SDC2: variants seen among roughly 807,000 people sequenced by gnomAD.
SDC2 encodes syndecan-2.
In SDC2, 13 loss-of-function variants were observed where a neutral mutation model predicts 22.2. The observed-to-expected ratio is 0.59, with a 90% CI of 0.38 to 0.93. The LOEUF (loss-of-function observed/expected upper bound fraction) is 0.93. Among genes scored for constraint, SDC2 ranks in the 40% least tolerant of loss-of-function variants. The pLI, the probability that SDC2 is intolerant of heterozygous loss-of-function variation, is 0.00. For missense variants in SDC2, 235 were observed against 246.8 expected (o/e 0.95, Z 0.32); for synonymous variants, 94 against 92.8 (o/e 1.01, Z -0.07).
intron 1 of SDC2, chr8:96,580,332 A>AG: frequency 1.0e-6 from 1 of 960,106 alleles, no homozygotes. Flanking sequence ...AGCAGCAGGA[A>AG]GGGAGAGTCA....
chr8:96,532,353 G>A (rs2440681), intron 1 of SDC2, among the ~76,000 whole-genome samples: 49,413 of 147,572 alleles, frequency 0.33, 8,442 homozygotes, highest in Middle Eastern at 0.47. Flanking sequence ...AGTTCTTGGG[G>A]CACTAAGGAA....
At chr8:96,572,157 G>C (rs958343344) in intron 1 of SDC2, among the ~76,000 whole-genome samples, 1 of 152,176 alleles carries the variant, frequency 6.6e-6, no homozygotes, top group Non-Finnish European at 1.5e-5. Flanking sequence ...GGAGCAGGGG[G>C]TCTGGGACAA....
chr8:96,562,961 T>C (rs1814235356), intron 1 of SDC2, among the ~76,000 whole-genome samples: 1 of 152,172 alleles, frequency 6.6e-6, no homozygotes, highest in African/African-American at 2.4e-5. Flanking sequence ...TTCCTAACTT[T>C]TCGCCTTCAG....
At chr8:96,588,816 T>C (rs1020216038) in intron 1 of SDC2, among the ~76,000 whole-genome samples, 5 of 152,400 alleles carry the variant, frequency 3.3e-5, no homozygotes, top group Non-Finnish European at 5.9e-5. Context: ...GTTGAAAGCA[T>C]GTGCAGGACC....
chr8:96,590,316 G>C (rs562192641), intron 1 of SDC2, among the ~76,000 whole-genome samples: 1 of 152,340 alleles, frequency 6.6e-6, no homozygotes, highest in South Asian at 2.1e-4. Flanking sequence ...CCAGGCTGCA[G>C]CTCTGGACTT....
intron 1 of SDC2, among the ~76,000 whole-genome samples, chr8:96,575,192 C>T (rs978666843): frequency 6.6e-6 from 1 of 152,162 alleles, no homozygotes; most frequent in African/African-American, 2.4e-5. Flanking sequence ...CTTTCTCCTT[C>T]ATGAAAACTG....
intron 1 of SDC2, among the ~76,000 whole-genome samples, chr8:96,540,931 C>T (rs1360009450): frequency 6.6e-6 from 1 of 152,128 alleles, no homozygotes; most frequent in Non-Finnish European, 1.5e-5. Context: ...GAAGCATTTT[C>T]TTACCTGACT....
At chr8:96,537,415 A>G (rs1431007608) in intron 1 of SDC2, 1 of 152,164 alleles carries the variant, frequency 6.6e-6, no homozygotes, top group African/African-American at 2.4e-5. Flanking sequence ...ACAGCATCTC[A>G]TGGTGTCCAG....
At chr8:96,494,458 T>C (rs1398804674) in intron 1 of SDC2, 127 bp downstream of exon 1, 3 of 798,890 alleles carry the variant, frequency 3.8e-6, no homozygotes, top group East Asian at 6.1e-5. Context: ...GGAGATCCGC[T>C]GGGACAAATG....
chr8:96,579,379 T>G lies in SDC2; in HGVS notation c.61-14101T>G, dbSNP rs1047333855. On this transcript the variant is annotated intron_variant, in intron 1 of 4. Transcript: ENST00000302190. ...CTGTGCATTGTAGCTTTTTAAATATTGACTTTGTGCCTTTTGAAATGCTTG... is the reference window on the plus strand; with the variant it reads ...CTGTGCATTGTAGCTTTTTAAATATGGACTTTGTGCCTTTTGAAATGCTTG... Among the ~76,000 whole-genome samples the G allele has an allele frequency of 2.0e-5, 3 of 152,240 alleles. No individual in the cohort carries two copies. The South Asian group carries it at 6.2e-4, about 31-fold the overall frequency.
intron 1 of SDC2, among the ~76,000 whole-genome samples, chr8:96,571,693 C>T (rs1010573260): frequency 2.0e-5 from 3 of 152,152 alleles, no homozygotes; most frequent in Non-Finnish European, 4.4e-5. Context: ...ACCACTTTGC[C>T]TGACAACAAA....
Position 96,609,322 on chromosome 8 carries a change from A to G in SDC2, c.443-63A>G, listed in dbSNP as rs1815137173. 7.5e-6 allele frequency: 10 copies of G among 1,336,350 alleles called. No homozygotes were observed. In the East Asian group the frequency reaches 2.0e-4, roughly 26 times the overall value. The allele number at this position is 1,336,350 out of a possible 1,614,324, so 82.8% of individuals were successfully genotyped here. ...AAGTGTAAGTAGATTAGGCTTGACA[A>G]TAAAGCTAATGTCTGCAACCCTTGA... On this transcript the variant is annotated intron_variant, in intron 4 of 4. Coordinates refer to ENST00000302190, the MANE Select transcript of SDC2 (RefSeq NM_002998.4).
At chr8:96,574,914 G>A (rs1409883600) in intron 1 of SDC2, among the ~76,000 whole-genome samples, 4 of 152,136 alleles carry the variant, frequency 2.6e-5, no homozygotes, top group Admixed American at 1.3e-4. Flanking sequence ...GGATGGTTTC[G>A]GGATGATTCA....
At chr8:96,521,195 G>A (rs1328583585) in intron 1 of SDC2, among the ~76,000 whole-genome samples, 1 of 152,176 alleles carries the variant, frequency 6.6e-6, no homozygotes, top group Non-Finnish European at 1.5e-5. Context: ...TGAAAACTGC[G>A]CTGAGAGGAA....
rs1360661530 is a variant in SDC2, at chr8:96,611,353, A to G, written c.*1805A>G. On this transcript the variant is annotated 3_prime_UTR_variant, in exon 5 of 5. Coordinates refer to ENST00000302190, the MANE Select transcript of SDC2 (RefSeq NM_002998.4). Reference sequence around the variant, plus strand: ...AAAAAAAGCAACTTTTCCAACATACAATTTACTTTTAATAAAGTATGAATA... The same window carrying G: ...AAAAAAAGCAACTTTTCCAACATACGATTTACTTTTAATAAAGTATGAATA... 1 of 152,564 alleles carries G rather than the reference A, an allele frequency of 6.6e-6. No homozygotes were observed. The highest frequency in any genetic ancestry group is 1.5e-5 in the Non-Finnish European group (1 of 68,038). The allele number at this position is 152,564 out of a possible 1,614,324, so 9.5% of individuals were successfully genotyped here.
intron 1 of SDC2, among the ~76,000 whole-genome samples, chr8:96,558,723 G>T (rs2130556375): frequency 6.6e-6 from 1 of 152,236 alleles, no homozygotes; most frequent in African/African-American, 2.4e-5. Context: ...ATAAGGGTGG[G>T]AAATATTAAA....
At chr8:96,589,316 C>T (rs1411181273) in intron 1 of SDC2, among the ~76,000 whole-genome samples, 1 of 152,194 alleles carries the variant, frequency 6.6e-6, no homozygotes, top group Non-Finnish European at 1.5e-5. Flanking sequence ...GAAGCAGCAG[C>T]AGCAGCTGAG....
chr8:96,541,503 C>CAAAAA (rs201996850), intron 1 of SDC2, among the ~76,000 whole-genome samples: 2 of 103,264 alleles, frequency 1.9e-5, no homozygotes, highest in African/African-American at 7.2e-5. Flanking sequence ...AAGCCCATCT[C>CAAAAA]AAAAAAAAAA....
chr8:96,563,578 TCC>T (rs1814247604), intron 1 of SDC2, among the ~76,000 whole-genome samples: 1 of 152,156 alleles, frequency 6.6e-6, no homozygotes, highest in Admixed American at 6.5e-5. Context: ...GGGGCCCAAC[TCC>T]CAGAGTTTCT....
Sources: allele counts gnomAD v4.1 joint callset (sites outside exome capture counted in the v4.1 genomes callset), GRCh38; gene constraint gnomAD v4.1.1; transcripts MANE v1.5; gene names NCBI Gene and HGNC (gene_info 2026-07-23, HGNC 2026-07-21).